Variants in ADCY5 observed in about 807,000 individuals in gnomAD.
ADCY5 encodes the protein adenylate cyclase 5, also known as adenylate cyclase type 5.
In ADCY5, 30 loss-of-function variants were observed where a neutral mutation model predicts 119.7. The ratio of observed to expected loss-of-function variants is 0.25; its 90% CI spans 0.19 to 0.34. The LOEUF is 0.34. Among genes scored for constraint, ADCY5 ranks in the 10% least tolerant of loss-of-function variants. The pLI is 1.00. For missense variants in ADCY5, 1,324 were observed against 1,775.2 expected (o/e 0.75, Z 4.57); for synonymous variants, 753 against 762.2 (o/e 0.99, Z 0.20).
chr3:123,303,237 G>A lies in ADCY5; in HGVS notation c.2560-18C>T. 1 of 1,608,970 alleles carries A rather than the reference G, an allele frequency of 6.2e-7. No individual in the cohort carries two copies. The highest frequency in any genetic ancestry group is 1.1e-5 in the South Asian group (1 of 90,762). On this transcript the variant is annotated intron_variant, in intron 13 of 20. Transcript: ENST00000462833. ...CACGTGAACTGGGGGGAGGAAGGAG[G>A]GTGATGAGGGGAGGGTAAGCTGCTG...
At chr3:123,430,569 G>A (rs540394906) in intron 1 of ADCY5, among the ~76,000 whole-genome samples, 23 of 152,342 alleles carry the variant, frequency 1.5e-4, no homozygotes, top group Admixed American at 4.6e-4. Context: ...GGTGACTAAC[G>A]GGCTTTTCTA....
At position 123,322,234 on chromosome 3, in the gene ADCY5, G is replaced by A. The variant is rs558251492; in HGVS notation, c.2089-1463C>T. On this transcript the variant is annotated intron_variant, in intron 8 of 20. Coordinates refer to ENST00000462833, the MANE Select transcript of ADCY5 (RefSeq NM_183357.3). ...CCCACTCAATTCCATCCCAGGAGCC[G>A]GCAAAAATTTTACTACGGAACCGAG... 2.0e-3 allele frequency among the ~76,000 whole-genome samples: 297 copies of A among 152,292 alleles called. 1 individual carries two copies. Among genetic ancestry groups the A allele is most frequent in the African/African-American group, 6.9e-3 (286 of 41,560 alleles).
chr3:123,353,483 G>C (rs1023765151), intron 1 of ADCY5, among the ~76,000 whole-genome samples: 1 of 152,302 alleles, frequency 6.6e-6, no homozygotes, highest in Middle Eastern at 3.4e-3. Context: ...GGGGCCACAT[G>C]GAACAGAGCC....
At chr3:123,410,242 C>T (rs145036978) in intron 1 of ADCY5, among the ~76,000 whole-genome samples, 188 of 152,272 alleles carry the variant, frequency 1.2e-3, no homozygotes, top group African/African-American at 4.0e-3. Flanking sequence ...GGAAGCTTCC[C>T]TTGTAGAACT....
rs944432153 is a variant in ADCY5, at chr3:123,284,990, G to A, written c.3658-254C>T. Among the ~76,000 whole-genome samples, 5 of 152,334 alleles carry A rather than the reference G, an allele frequency of 3.3e-5. No homozygotes were observed. In the South Asian group the frequency reaches 6.2e-4, roughly 19 times the overall value. ...CCAGGCACTGTGACGGGCAGCTTGC[G>A]TGTGCTGTTTCAGTGTGGCCTGTGG... On this transcript the variant is annotated intron_variant, in intron 20 of 20. Transcript: ENST00000462833.
chr3:123,325,539 C>T lies in ADCY5; in HGVS notation c.1948-77G>A. 3 of 1,582,220 alleles carry T rather than the reference C, an allele frequency of 1.9e-6. No homozygotes were observed. In the South Asian group the frequency reaches 3.4e-5, roughly 18 times the overall value. On this transcript the variant is annotated intron_variant, in intron 7 of 20. Coordinates refer to ENST00000462833, the MANE Select transcript of ADCY5 (RefSeq NM_183357.3). ...TCCTCACCCTTCCCCAAACATCGTA[C>T]CTGGCCAGGTAAGGGGCTAAGGCAG...
At chr3:123,406,145 C>G (rs967428457) in intron 1 of ADCY5, among the ~76,000 whole-genome samples, 1 of 152,240 alleles carries the variant, frequency 6.6e-6, no homozygotes, top group Non-Finnish European at 1.5e-5. Flanking sequence ...TACTTTCCTA[C>G]CCTAATCACC....
rs150094208 is a variant in ADCY5, at chr3:123,317,942, C to T, written c.2354+78G>A. On this transcript the variant is annotated intron_variant, in intron 11 of 20. Coordinates refer to ENST00000462833, the MANE Select transcript of ADCY5 (RefSeq NM_183357.3). ...CAGGCCAGACTCCCTGCTCTGTTCT[C>T]CTAAATGACCACCCCCTCCCACTCC... 111 of 1,347,302 alleles carry T rather than the reference C, an allele frequency of 8.2e-5. No individual in the cohort carries two copies. The East Asian group carries it at 2.5e-3, about 31-fold the overall frequency. 83.5% of individuals were successfully genotyped at this position (1,347,302 alleles called of 1,614,324 possible). A position where few individuals can be genotyped will look rare whatever the true frequency, so the allele number is the denominator to read the frequency against.
At chr3:123,336,556 T>C (rs1455190501) in intron 3 of ADCY5, among the ~76,000 whole-genome samples, 1 of 152,018 alleles carries the variant, frequency 6.6e-6, no homozygotes, top group Non-Finnish European at 1.5e-5. Flanking sequence ...AGTCCCCTAA[T>C]CTAGCAGAGG....
intron 1 of ADCY5, among the ~76,000 whole-genome samples, chr3:123,380,808 G>C (rs1450962618): frequency 6.6e-6 from 1 of 152,224 alleles, no homozygotes; most frequent in Non-Finnish European, 1.5e-5. Flanking sequence ...TTACCGCTGA[G>C]AAAGGGATGG....
intron 1 of ADCY5, among the ~76,000 whole-genome samples, chr3:123,373,488 C>A (rs1205934993): frequency 6.6e-6 from 1 of 152,138 alleles, no homozygotes; most frequent in Admixed American, 6.5e-5. Context: ...ATGAAGGCCA[C>A]GGAAGGGACA....
chr3:123,374,673 A>G (rs1376793450), intron 1 of ADCY5, among the ~76,000 whole-genome samples: 2 of 149,808 alleles, frequency 1.3e-5, no homozygotes, highest in Admixed American at 1.3e-4. Flanking sequence ...AGGAAGAACT[A>G]TTTGTCTTCT....
intron 16 of ADCY5, 30 bp from the exon 17 acceptor site, chr3:123,296,246 C>T: frequency 6.2e-7 from 1 of 1,608,350 alleles, no homozygotes; most frequent in Non-Finnish European, 8.5e-7. Flanking sequence ...AGGCCTGAGA[C>T]GGCCGTGGCT....
At chr3:123,373,807 G>A (rs960709022) in intron 1 of ADCY5, among the ~76,000 whole-genome samples, 12 of 135,176 alleles carry the variant, frequency 8.9e-5, no homozygotes, top group East Asian at 4.3e-4. Context: ...CAGGACTGGC[G>A]AAGCATAGGC....
intron 14 of ADCY5, among the ~76,000 whole-genome samples, chr3:123,301,026 G>A (rs898096114): frequency 2.0e-5 from 3 of 151,960 alleles, no homozygotes; most frequent in African/African-American, 7.3e-5. Flanking sequence ...GCCCTGTGCT[G>A]TTCCCTCTGG....
At chr3:123,401,937 G>C (rs774900521) in intron 1 of ADCY5, among the ~76,000 whole-genome samples, 1 of 152,184 alleles carries the variant, frequency 6.6e-6, no homozygotes. Context: ...CGGTGCACAG[G>C]TCATACCTCA....
At position 123,447,737 on chromosome 3, in the gene ADCY5, T is replaced by A. The variant is rs777298666; in HGVS notation, c.809A>T (p.Tyr270Phe). 2 of 1,601,526 alleles carry A rather than the reference T, an allele frequency of 1.2e-6. No individual in the cohort carries two copies. The highest frequency in any genetic ancestry group is 1.7e-5 in the Admixed American group (1 of 59,216). The change falls in exon 1 of 21, where the codon TAC (tyrosine) becomes TTC (phenylalanine). Residue 270 changes from tyrosine (Y) to phenylalanine (F), a missense_variant. By Grantham distance (22) the Tyr-to-Phe change is conservative. This residue lies in a region of ADCY5 where 585 missense variants were observed against 569.9 expected (regional missense o/e 1.03). Coordinates refer to ENST00000462833, the MANE Select transcript of ADCY5 (RefSeq NM_183357.3). ...HAARPPLQLP[Y>F]LAVLAAAVGV... is the part of the protein sequence containing the mutation. ...GACGGCGGCCGCCAGCACGGCCAGGTAGGGCAGCTGGAGCGGGGGCCGCGC... is the reference window on the plus strand; with the variant it reads ...GACGGCGGCCGCCAGCACGGCCAGGAAGGGCAGCTGGAGCGGGGGCCGCGC...
At chr3:123,313,038 T>G (rs1174104142) in intron 12 of ADCY5, among the ~76,000 whole-genome samples, 3 of 139,350 alleles carry the variant, frequency 2.2e-5, no homozygotes. Flanking sequence ...AGCCCTACGA[T>G]GCAGCCTATC....
At chr3:123,284,851 A>G in intron 20 of ADCY5, 115 bp from the exon 21 acceptor site, 1 of 1,408,638 alleles carries the variant, frequency 7.1e-7, no homozygotes, top group Non-Finnish European at 9.9e-7. Context: ...ACACAGAAGG[A>G]GAGGGGCAGC....
Sources: gnomAD v4.1 joint callset for allele counts (sites outside exome capture counted in the v4.1 genomes callset) on GRCh38, gnomAD v4.1.1 for gene constraint, gnomAD v4.1.1 regional missense constraint, MANE v1.5 for transcripts, NCBI Gene and HGNC (gene_info 2026-07-23, HGNC 2026-07-21) for gene names.